Variants in DLG2 observed in about 807,000 individuals in gnomAD.
DLG2 encodes disks large homolog 2.
A neutral mutation model predicts 132.5 loss-of-function variants in DLG2; 45 were observed. The observed-to-expected ratio is 0.34, with a 90% CI of 0.27 to 0.44. The LOEUF (loss-of-function observed/expected upper bound fraction) is 0.44, where lower values mean the gene tolerates loss of function less well. Ranked by LOEUF, DLG2 falls within the 20% of genes least tolerant of loss-of-function variation. The pLI is 1.00. For synonymous variants in DLG2, 424 were observed against 419.6 expected (o/e 1.01, Z -0.13); for missense variants, 1,045 against 1,196.9 (o/e 0.87, Z 1.87).
chr11:84,101,543 T>C (rs1397755336), intron 9 of DLG2, among the ~76,000 whole-genome samples: 2 of 152,014 alleles, frequency 1.3e-5, no homozygotes, highest in African/African-American at 2.4e-5. Flanking sequence ...AAAAAAGCAA[T>C]AATACTCTGG....
At chr11:83,708,187 A>G (rs959923502) in intron 18 of DLG2, among the ~76,000 whole-genome samples, 3 of 152,220 alleles carry the variant, frequency 2.0e-5, no homozygotes, top group Admixed American at 2.0e-4. Context: ...TGAAGTTCCT[A>G]AACTAGATCT....
chr11:84,502,415 T>G (rs10898245), intron 7 of DLG2, among the ~76,000 whole-genome samples: 22,946 of 99,190 alleles, frequency 0.23, 3,437 homozygotes, highest in African/African-American at 0.33. Flanking sequence ...TCTTTCTTTC[T>G]ATACAGAGTC....
At chr11:85,096,640 A>G (rs594122) in intron 6 of DLG2, among the ~76,000 whole-genome samples, 106,271 of 149,892 alleles carry the variant, frequency 0.71, 38,848 homozygotes, top group East Asian at 0.95. Context: ...AACTCTAGTC[A>G]CATTTTGGCA....
intron 3 of DLG2, among the ~76,000 whole-genome samples, chr11:85,437,285 C>G (rs944687441): frequency 1.3e-5 from 2 of 149,994 alleles, no homozygotes; most frequent in Non-Finnish European, 3.0e-5. Context: ...CCTGCATGTT[C>G]TGCTCATGTA....
chr11:84,691,370 A>G (rs537554086), intron 6 of DLG2, among the ~76,000 whole-genome samples: 1 of 151,988 alleles, frequency 6.6e-6, no homozygotes, highest in South Asian at 2.1e-4. Flanking sequence ...GACAAGATAT[A>G]CATTATTTTA....
Position 83,874,416 on chromosome 11 carries a change from T to G in DLG2, c.1565+4A>C. The stretch of plus-strand genomic sequence containing the variant: ...GTTTAAGAGGTTCTGTATTATTATC[T>G]TACCCTTCCAGGGAGACGGCCCGTT... On this transcript the variant is annotated splice_donor_region_variant and intron_variant, in intron 16 of 27. Coordinates refer to ENST00000376104, the MANE Select transcript of DLG2 (RefSeq NM_001142699.3). 9 of 1,591,112 alleles carry G rather than the reference T, an allele frequency of 5.7e-6. No homozygotes were observed. Among genetic ancestry groups the G allele is most frequent in the Non-Finnish European group, 7.7e-6 (9 of 1,165,926 alleles).
At chr11:85,093,659 A>G (rs1349379179) in intron 6 of DLG2, among the ~76,000 whole-genome samples, 1 of 152,220 alleles carries the variant, frequency 6.6e-6, no homozygotes, top group Non-Finnish European at 1.5e-5. Context: ...GGAACTCTCG[A>G]TTATAAAACC....
At chr11:85,259,167 G>A (rs1027887194) in intron 4 of DLG2, among the ~76,000 whole-genome samples, 4 of 152,102 alleles carry the variant, frequency 2.6e-5, no homozygotes, top group Non-Finnish European at 5.9e-5. Context: ...TATGGGGCTG[G>A]TTTCTCATGG....
intron 7 of DLG2, among the ~76,000 whole-genome samples, chr11:84,323,433 A>T (rs915403010): frequency 6.6e-6 from 1 of 152,182 alleles, no homozygotes. Context: ...TTGTTTATCC[A>T]TTCATTCATC....
At chr11:83,584,501 G>A (rs997329559) in intron 19 of DLG2, among the ~76,000 whole-genome samples, 7 of 152,158 alleles carry the variant, frequency 4.6e-5, no homozygotes, top group African/African-American at 1.7e-4. Context: ...CAATAATCAG[G>A]TCATGTACTG....
At chr11:84,978,998 A>G (rs1241260518) in intron 6 of DLG2, among the ~76,000 whole-genome samples, 1 of 152,222 alleles carries the variant, frequency 6.6e-6, no homozygotes, top group Admixed American at 6.5e-5. Flanking sequence ...CAAGTGGGCA[A>G]AGATATGAAC....
intron 11 of DLG2, among the ~76,000 whole-genome samples, chr11:84,028,647 C>G (rs2095606727): frequency 6.6e-6 from 1 of 152,130 alleles, no homozygotes; most frequent in Non-Finnish European, 1.5e-5. Flanking sequence ...CATTCTTACT[C>G]CTTACCATGG....
At chr11:84,406,286 AC>A (rs1437619884) in intron 7 of DLG2, among the ~76,000 whole-genome samples, 1 of 151,812 alleles carries the variant, frequency 6.6e-6, no homozygotes, top group African/African-American at 2.4e-5. Flanking sequence ...CTAATACCTG[AC>A]CTTTTTTTGT....
intron 6 of DLG2, among the ~76,000 whole-genome samples, chr11:85,000,181 T>C (rs1463010568): frequency 3.9e-5 from 6 of 152,184 alleles, no homozygotes; most frequent in Admixed American, 1.3e-4. Context: ...GTAAAGAGTG[T>C]GTGCTCATTA....
At chr11:84,361,078 G>C (rs1303396249) in intron 7 of DLG2, among the ~76,000 whole-genome samples, 3 of 151,816 alleles carry the variant, frequency 2.0e-5, no homozygotes, top group Non-Finnish European at 1.5e-5. Flanking sequence ...AAAACACAGA[G>C]ATTTTAAAAC....
chr11:84,323,694 C>A (rs1478974475), intron 7 of DLG2, among the ~76,000 whole-genome samples: 2 of 148,740 alleles, frequency 1.3e-5, no homozygotes, highest in Admixed American at 6.7e-5. Flanking sequence ...ACATCCTCAA[C>A]AACATTTTTT....
Position 85,191,166 on chromosome 11 carries a change from A to G in DLG2, c.187-36515T>C, listed in dbSNP as rs868674378. Among the ~76,000 whole-genome samples, 464 of 122,700 alleles carry G rather than the reference A, an allele frequency of 3.8e-3. 2 individuals are homozygous for G. The highest frequency in any genetic ancestry group is 0.017 in the South Asian group (67 of 3,926). 80.5% of individuals were successfully genotyped at this position (122,700 alleles called of 152,430 possible). A position where few individuals can be genotyped will look rare whatever the true frequency, so the allele number is the denominator to read the frequency against. ...CATGCGCGCGCGCGCACGCGCGCAC[A>G]CACACACACACACACACACACACAC... is the stretch of plus-strand genomic sequence containing the variant. On this transcript the variant is annotated intron_variant, in intron 4 of 27. Coordinates refer to ENST00000376104, the MANE Select transcript of DLG2 (RefSeq NM_001142699.3).
chr11:84,842,681 G>T (rs75153349), intron 6 of DLG2, among the ~76,000 whole-genome samples: 5 of 151,760 alleles, frequency 3.3e-5, no homozygotes, highest in African/African-American at 1.2e-4. Context: ...CGTAGTAGTA[G>T]GAGGATCTAA....
intron 21 of DLG2, among the ~76,000 whole-genome samples, chr11:83,496,062 A>G (rs1316041487): frequency 2.0e-5 from 3 of 152,028 alleles, no homozygotes; most frequent in Non-Finnish European, 4.4e-5. Context: ...GTGGGAAACA[A>G]TGTTTGCAAT....
Sources: allele counts gnomAD v4.1 joint callset (sites outside exome capture counted in the v4.1 genomes callset), GRCh38; gene constraint gnomAD v4.1.1; transcripts MANE v1.5; gene names NCBI Gene and HGNC (gene_info 2026-07-23, HGNC 2026-07-21).